CTNNA3: variants seen among roughly 807,000 people sequenced by gnomAD.
CTNNA3 encodes the protein catenin alpha-3.
Under a neutral mutation model 95.7 loss-of-function variants are expected in CTNNA3, and 76 were observed. The ratio of observed to expected loss-of-function variants is 0.79; its 90% CI spans 0.66 to 0.96. CTNNA3 has a LOEUF of 0.96. CTNNA3 is among the 40% of genes least tolerant of loss of function. The pLI, the probability that CTNNA3 is intolerant of heterozygous loss-of-function variation, is 0.00. For missense variants in CTNNA3, 1,191 were observed against 1,089.8 expected, an observed-to-expected ratio of 1.09 and a Z score of -1.31; for synonymous variants, 431 against 374.4, an observed-to-expected ratio of 1.15 and a Z score of -1.74.
intron 17 of CTNNA3, among the ~76,000 whole-genome samples, chr10:65,966,247 A>C (rs1385008475): frequency 1.3e-5 from 2 of 152,230 alleles, no homozygotes; most frequent in African/African-American, 4.8e-5. Context: ...CAATCATTTT[A>C]TTAATTTGCA....
At chr10:66,061,842 C>T (rs1589310351) in intron 15 of CTNNA3, among the ~76,000 whole-genome samples, 1 of 152,160 alleles carries the variant, frequency 6.6e-6, no homozygotes, top group Non-Finnish European at 1.5e-5. Flanking sequence ...CAAACTCTCT[C>T]TCTTCCAAAA....
intron 9 of CTNNA3, among the ~76,000 whole-genome samples, chr10:66,676,655 A>G (rs1402431971): frequency 2.0e-5 from 3 of 152,126 alleles, no homozygotes; most frequent in Non-Finnish European, 1.5e-5. Flanking sequence ...AAAACAAAAT[A>G]AAACACATTT....
intron 13 of CTNNA3, among the ~76,000 whole-genome samples, chr10:66,223,063 A>C (rs1411185973): frequency 6.6e-6 from 1 of 152,072 alleles, no homozygotes; most frequent in Admixed American, 6.6e-5. Flanking sequence ...CAAAAACCAA[A>C]AACAAACAAA....
intron 7 of CTNNA3, chr10:66,928,477 G>C: frequency 6.5e-7 from 1 of 1,549,618 alleles, no homozygotes; most frequent in Non-Finnish European, 8.7e-7. Flanking sequence ...GATAAAAAGA[G>C]CTCTTAAAAG....
At chr10:66,122,023 T>C (rs906576559) in intron 13 of CTNNA3, among the ~76,000 whole-genome samples, 5 of 152,130 alleles carry the variant, frequency 3.3e-5, no homozygotes, top group African/African-American at 7.2e-5. Flanking sequence ...CACAACCAGA[T>C]TGAAACATGA....
rs967071487 is a variant in CTNNA3, at chr10:66,805,372, TA to T, written c.1048-29849del. 1.8e-3 allele frequency among the ~76,000 whole-genome samples: 258 copies of T among 147,080 alleles called. 1 individual carries two copies. The highest frequency in any genetic ancestry group is 5.7e-3 in the African/African-American group (231 of 40,234). On this transcript the variant is annotated intron_variant, in intron 7 of 17. Transcript: ENST00000433211. ...ACAGCTAATGTTCAGTTTTATTCTT[TA>T]AAAAAAAAAGAAAAAGAATATTCAG...
At chr10:66,405,335 A>G (rs867605588) in intron 11 of CTNNA3, among the ~76,000 whole-genome samples, 1 of 152,286 alleles carries the variant, frequency 6.6e-6, no homozygotes, top group South Asian at 2.1e-4. Flanking sequence ...TCTAGAACAT[A>G]ATGTGTTCTC....
At chr10:66,126,833 C>A (rs1016479821) in intron 13 of CTNNA3, among the ~76,000 whole-genome samples, 1 of 152,048 alleles carries the variant, frequency 6.6e-6, no homozygotes, top group African/African-American at 2.4e-5. Context: ...AGAACATATA[C>A]AAATATACCC....
intron 13 of CTNNA3, among the ~76,000 whole-genome samples, chr10:66,157,215 C>T (rs975119439): frequency 1.3e-5 from 2 of 151,836 alleles, no homozygotes; most frequent in African/African-American, 4.8e-5. Flanking sequence ...CTCGCAAGTC[C>T]CCAAAGTCCA....
At chr10:66,685,294 T>TATACGTATATATATGTATATATATATAC (rs201397766) in intron 9 of CTNNA3, among the ~76,000 whole-genome samples, 1 of 88,822 alleles carries the variant, frequency 1.1e-5, no homozygotes, top group African/African-American at 5.1e-5. Context: ...AGTATATATA[T>TATACGTATATATATGTATATATATATAC]GTGTGTATAT....
At chr10:66,226,396 G>T (rs2089289235) in intron 13 of CTNNA3, among the ~76,000 whole-genome samples, 2 of 151,952 alleles carry the variant, frequency 1.3e-5, no homozygotes, top group African/African-American at 4.8e-5. Flanking sequence ...TCTCTATTCT[G>T]TTCCATTTGT....
chr10:66,545,741 G>GT (rs1269668458), intron 10 of CTNNA3, among the ~76,000 whole-genome samples: 1 of 151,794 alleles, frequency 6.6e-6, no homozygotes, highest in African/African-American at 2.4e-5. Context: ...ATACAGTTGT[G>GT]TTTTTTATTC....
At chr10:67,214,356 T>C (rs1864261447) in intron 6 of CTNNA3, among the ~76,000 whole-genome samples, 2 of 151,800 alleles carry the variant, frequency 1.3e-5, no homozygotes, top group Non-Finnish European at 3.0e-5. Context: ...AAATGCCTAA[T>C]ATAAGTCAAT....
At chr10:67,622,088 A>G (rs1843865868) in intron 2 of CTNNA3, among the ~76,000 whole-genome samples, 1 of 152,190 alleles carries the variant, frequency 6.6e-6, no homozygotes, top group South Asian at 2.1e-4. Context: ...GACAAGTTAG[A>G]TGTCCTGAAA....
At chr10:66,489,603 C>CAA (rs1491409577) in intron 11 of CTNNA3, among the ~76,000 whole-genome samples, 1 of 152,086 alleles carries the variant, frequency 6.6e-6, no homozygotes, top group African/African-American at 2.4e-5. Context: ...CACACACGTG[C>CAA]ACACACACAC....
chr10:67,110,612 A>C (rs910552768), intron 7 of CTNNA3, among the ~76,000 whole-genome samples: 1 of 152,128 alleles, frequency 6.6e-6, no homozygotes, highest in Admixed American at 6.6e-5. Flanking sequence ...GATGATCTCT[A>C]TCTTTCCTTT....
intron 13 of CTNNA3, among the ~76,000 whole-genome samples, chr10:66,275,228 C>T (rs564726423): frequency 1.2e-3 from 186 of 152,304 alleles, no homozygotes; most frequent in African/African-American, 4.4e-3. Flanking sequence ...AGCAATTCTC[C>T]TGCCTCAACC....
At chr10:67,034,246 A>G (rs1460587182) in intron 7 of CTNNA3, among the ~76,000 whole-genome samples, 1 of 152,114 alleles carries the variant, frequency 6.6e-6, no homozygotes, top group African/African-American at 2.4e-5. Context: ...ACCACACTGG[A>G]GCTTATTCTG....
At chr10:67,147,154 T>C (rs1860887509) in intron 7 of CTNNA3, among the ~76,000 whole-genome samples, 1 of 152,182 alleles carries the variant, frequency 6.6e-6, no homozygotes, top group Non-Finnish European at 1.5e-5. Flanking sequence ...GTTTAAAAAA[T>C]CATAAATTGA....
Sources: gnomAD v4.1 joint callset for allele counts (sites outside exome capture counted in the v4.1 genomes callset) on GRCh38, gnomAD v4.1.1 for gene constraint, MANE v1.5 for transcripts, NCBI Gene and HGNC (gene_info 2026-07-23, HGNC 2026-07-21) for gene names.